The following SPATA17 variants were observed in gnomAD, a reference collection of about 807,000 sequenced individuals.
The protein encoded by SPATA17 is spermatogenesis-associated protein 17.
A neutral mutation model predicts 62.2 loss-of-function variants in SPATA17; 53 were observed. The observed-to-expected ratio is 0.85, with a 90% CI of 0.68 to 1.07. The LOEUF (loss-of-function observed/expected upper bound fraction) is 1.07. SPATA17 is among the 50% of genes least tolerant of loss of function. The pLI is 0.00. For synonymous variants in SPATA17, 146 were observed against 146.8 expected (o/e 0.99, Z 0.04); for missense variants, 466 against 425.5 (o/e 1.10, Z -0.84).
At chr1:217,682,675 G>T (rs180889707) in intron 4 of SPATA17, among the ~76,000 whole-genome samples, 28 of 152,158 alleles carry the variant, frequency 1.8e-4, no homozygotes, top group African/African-American at 6.0e-4. Context: ...TATGTCATAG[G>T]AGTATTCTAA....
intron 1 of SPATA17, among the ~76,000 whole-genome samples, chr1:217,639,135 C>A (rs985799809): frequency 7.9e-5 from 12 of 152,054 alleles, no homozygotes; most frequent in African/African-American, 2.7e-4. Flanking sequence ...TTTCCTTTAA[C>A]ACCTACTTCT....
intron 5 of SPATA17, among the ~76,000 whole-genome samples, chr1:217,698,525 A>T (rs543130260): frequency 1.1e-4 from 17 of 148,648 alleles, no homozygotes; most frequent in African/African-American, 3.5e-4. Context: ...CTTTCCTTTT[A>T]AAAAAAAAAG....
At chr1:217,637,916 A>C (rs1456460290) in intron 1 of SPATA17, among the ~76,000 whole-genome samples, 1 of 152,132 alleles carries the variant, frequency 6.6e-6, no homozygotes, top group African/African-American at 2.4e-5. Context: ...TTCTTACCTT[A>C]CTTAAACTCT....
At chr1:217,725,850 T>C (rs944217800) in intron 5 of SPATA17, among the ~76,000 whole-genome samples, 3 of 152,220 alleles carry the variant, frequency 2.0e-5, no homozygotes, top group Admixed American at 1.3e-4. Flanking sequence ...TGTAAAGGAA[T>C]GTCTCCTTAT....
At chr1:217,667,461 C>T (rs533955350) in intron 3 of SPATA17, among the ~76,000 whole-genome samples, 18 of 152,276 alleles carry the variant, frequency 1.2e-4, no homozygotes, top group Admixed American at 9.8e-4. Flanking sequence ...ACCTTAGATA[C>T]TTGATCTCAT....
chr1:217,764,332 A>C (rs1029865002), intron 6 of SPATA17, among the ~76,000 whole-genome samples: 1 of 152,148 alleles, frequency 6.6e-6, no homozygotes, highest in African/African-American at 2.4e-5. Context: ...AGATTGTTGG[A>C]GTCATACAGC....
chr1:217,793,749 C>A (rs532516880), intron 8 of SPATA17, among the ~76,000 whole-genome samples: 2 of 151,952 alleles, frequency 1.3e-5, no homozygotes, highest in South Asian at 4.1e-4. Flanking sequence ...GAACCAGGAG[C>A]GATTGTGCAA....
At chr1:217,685,917 A>T (rs888193418) in intron 5 of SPATA17, among the ~76,000 whole-genome samples, 1 of 152,152 alleles carries the variant, frequency 6.6e-6, no homozygotes, top group African/African-American at 2.4e-5. Flanking sequence ...ATTATAGTAT[A>T]TTGTTATACT....
intron 9 of SPATA17, among the ~76,000 whole-genome samples, chr1:217,825,072 A>G (rs1297587973): frequency 3.3e-5 from 5 of 150,964 alleles, no homozygotes; most frequent in African/African-American, 9.7e-5. Flanking sequence ...ATGAATACAT[A>G]TATTCATATA....
Position 217,828,130 on chromosome 1 carries a change from A to G in SPATA17, c.1005+26280A>G, listed in dbSNP as rs1042801785. 2.0e-4 allele frequency among the ~76,000 whole-genome samples: 30 copies of G among 152,180 alleles called. 1 individual carries two copies. The highest frequency in any genetic ancestry group is 9.8e-4 in the Admixed American group (15 of 15,272). On this transcript the variant is annotated intron_variant, in intron 9 of 10. Transcript: ENST00000366933. ...AAGAAACCTGAATATTCAAGGCAGT[A>G]TGAATAAAAACAATGTTAGAGACAT...
At chr1:217,797,546 G>T (rs976858335) in intron 8 of SPATA17, among the ~76,000 whole-genome samples, 2 of 151,906 alleles carry the variant, frequency 1.3e-5, no homozygotes, top group African/African-American at 4.8e-5. Flanking sequence ...CACAGCACCC[G>T]GCCTAAATTT....
intron 6 of SPATA17, among the ~76,000 whole-genome samples, chr1:217,762,473 T>G (rs1673193633): frequency 6.6e-6 from 1 of 152,232 alleles, no homozygotes; most frequent in Admixed American, 6.5e-5. Context: ...TTGATTCTAC[T>G]CTATGGAATG....
At position 217,837,092 on chromosome 1, in the gene SPATA17, G is replaced by C. The variant is rs183356323; in HGVS notation, c.1006-25682G>C. 1.2e-3 allele frequency among the ~76,000 whole-genome samples: 179 copies of C among 152,076 alleles called. 1 individual carries two copies. The highest frequency in any genetic ancestry group is 3.3e-3 in the African/African-American group (138 of 41,506). On this transcript the variant is annotated intron_variant, in intron 9 of 10. Transcript: ENST00000366933. ...TGTAATATTTTTTGGATATCAAATG[G>C]CTTGGCCTACTCAAATGTGACTAGT...
intron 6 of SPATA17, among the ~76,000 whole-genome samples, chr1:217,756,828 A>G (rs1673054859): frequency 1.3e-5 from 2 of 152,204 alleles, no homozygotes; most frequent in Admixed American, 6.5e-5. Flanking sequence ...TAGTATTTTC[A>G]TCTTTGAAAT....
At chr1:217,812,514 C>T (rs1056945673) in intron 9 of SPATA17, among the ~76,000 whole-genome samples, 6 of 151,880 alleles carry the variant, frequency 4.0e-5, no homozygotes, top group East Asian at 3.9e-4. Context: ...TTTTTTTAAT[C>T]TATTTGCAAA....
intron 5 of SPATA17, among the ~76,000 whole-genome samples, chr1:217,708,436 T>C (rs1671784980): frequency 1.3e-5 from 2 of 152,040 alleles, no homozygotes. Flanking sequence ...TCTATGCACA[T>C]AAGGTAAAAA....
chr1:217,802,590 C>G (rs1436216862), intron 9 of SPATA17, among the ~76,000 whole-genome samples: 2 of 152,136 alleles, frequency 1.3e-5, no homozygotes, highest in African/African-American at 4.8e-5. Flanking sequence ...AGAGAGAGAG[C>G]AGGCTGTCTT....
chr1:217,662,639 G>C (rs1670595786), intron 3 of SPATA17, among the ~76,000 whole-genome samples: 1 of 152,084 alleles, frequency 6.6e-6, no homozygotes, highest in Non-Finnish European at 1.5e-5. Context: ...ATGATGACAT[G>C]TACCATCAAA....
At chr1:217,850,610 C>A (rs887524781) in intron 9 of SPATA17, 1 of 1,594,908 alleles carries the variant, frequency 6.3e-7, no homozygotes, top group African/African-American at 1.3e-5. Flanking sequence ...TCTTGCCAGT[C>A]AGGGTCTTCA....
Sources: gnomAD v4.1 joint callset for allele counts (sites outside exome capture counted in the v4.1 genomes callset) on GRCh38, gnomAD v4.1.1 for gene constraint, MANE v1.5 for transcripts, NCBI Gene and HGNC (gene_info 2026-07-23, HGNC 2026-07-21) for gene names.